RPH3A: variants seen among roughly 807,000 people sequenced by gnomAD.
The protein encoded by RPH3A is rabphilin 3A.
Under a neutral mutation model 102.2 loss-of-function variants are expected in RPH3A, and 48 were observed. That is an observed-to-expected ratio of 0.47 (90% CI 0.37 to 0.60). RPH3A has a LOEUF of 0.60. Ranked by LOEUF, RPH3A falls within the 20% of genes least tolerant of loss-of-function variation. RPH3A has a pLI of 0.00. For synonymous variants in RPH3A, 310 were observed against 324.3 expected, an observed-to-expected ratio of 0.96 and a Z score of 0.47; for missense variants, 781 against 910.1, an observed-to-expected ratio of 0.86 and a Z score of 1.83.
chr12:112,761,204 A>G (rs1318883424), intron 1 of RPH3A, among the ~76,000 whole-genome samples: 3 of 152,190 alleles, frequency 2.0e-5, no homozygotes, highest in Admixed American at 6.5e-5. Flanking sequence ...AGACAAAGGG[A>G]TTCCAGTTTG....
At chr12:112,862,043 CT>C (rs2042526522) in intron 5 of RPH3A, among the ~76,000 whole-genome samples, 1 of 150,398 alleles carries the variant, frequency 6.6e-6, no homozygotes, top group Non-Finnish European at 1.5e-5. Context: ...AAGGATATCC[CT>C]GTGGAGGGCT....
At chr12:112,769,231 C>T (rs1446373731) in intron 1 of RPH3A, among the ~76,000 whole-genome samples, 2 of 152,182 alleles carry the variant, frequency 1.3e-5, no homozygotes, top group Admixed American at 6.5e-5. Flanking sequence ...CAGATTTTAA[C>T]TTGACGCCTC....
intron 1 of RPH3A, among the ~76,000 whole-genome samples, chr12:112,580,515 TGCCTCA>T (rs756577078): frequency 5.4e-5 from 8 of 148,632 alleles, no homozygotes; most frequent in South Asian, 2.2e-4. Context: ...GCCATTCTCC[TGCCTCA>T]GCCTCCCGAG....
intron 1 of RPH3A, among the ~76,000 whole-genome samples, chr12:112,641,084 G>A (rs960754839): frequency 6.6e-6 from 1 of 152,142 alleles, no homozygotes; most frequent in African/African-American, 2.4e-5. Context: ...AGAATTATGT[G>A]GCCATAAATC....
At chr12:112,680,578 C>T (rs931090700) in intron 1 of RPH3A, among the ~76,000 whole-genome samples, 3 of 152,164 alleles carry the variant, frequency 2.0e-5, no homozygotes, top group African/African-American at 7.2e-5. Context: ...AGTCTGGCCC[C>T]AGCATCTCTG....
chr12:112,717,446 ATTAC>A (rs1440200818), intron 1 of RPH3A, among the ~76,000 whole-genome samples: 5 of 152,134 alleles, frequency 3.3e-5, no homozygotes, highest in African/African-American at 1.2e-4. Flanking sequence ...GGTTTTTGCC[ATTAC>A]TTTTAATTAT....
chr12:112,666,592 C>T (rs1447233621), intron 1 of RPH3A, among the ~76,000 whole-genome samples: 1 of 152,082 alleles, frequency 6.6e-6, no homozygotes, highest in African/African-American at 2.4e-5. Flanking sequence ...CTTTTTTTGT[C>T]AGCTGCAAGT....
intron 1 of RPH3A, among the ~76,000 whole-genome samples, chr12:112,776,336 C>T (rs1159439170): frequency 5.3e-5 from 8 of 152,186 alleles, no homozygotes; most frequent in East Asian, 1.9e-4. Context: ...ACAATAAACA[C>T]GCTCTTATTG....
chr12:112,890,831 C>A lies in RPH3A; in HGVS notation c.1621-18C>A, dbSNP rs1268351833. 3.1e-6 allele frequency: 5 copies of A among 1,611,634 alleles called. No homozygotes were observed. The Admixed American group carries it at 8.4e-5, about 27-fold the overall frequency. On this transcript the variant is annotated intron_variant, in intron 18 of 21. Coordinates refer to ENST00000389385, the MANE Select transcript of RPH3A (RefSeq NM_001143854.2). ...CCCCTCCCCTCCAAGGCCCACACTG[C>A]CTTTTCCCCCAATGCAGCAGGTGGA...
chr12:112,765,064 G>GC (rs2040878754), intron 1 of RPH3A, among the ~76,000 whole-genome samples: 1 of 152,176 alleles, frequency 6.6e-6, no homozygotes, highest in Non-Finnish European at 1.5e-5. Context: ...CTGCTGGTGT[G>GC]AGAGAGGAAT....
chr12:112,633,066 T>TCTGTAGTCCCAGCTA (rs371971824), intron 1 of RPH3A, among the ~76,000 whole-genome samples: 9 of 151,444 alleles, frequency 5.9e-5, no homozygotes, highest in African/African-American at 2.2e-4. Flanking sequence ...GTGGCACATG[T>TCTGTAGTCCCAGCTA]CTGTAGTCCC....
intron 1 of RPH3A, among the ~76,000 whole-genome samples, chr12:112,667,650 C>T (rs1161860573): frequency 7.9e-6 from 1 of 125,914 alleles, no homozygotes; most frequent in African/African-American, 3.0e-5. Context: ...CATTCATGGG[C>T]AGAGATGAAT....
intron 1 of RPH3A, among the ~76,000 whole-genome samples, chr12:112,581,743 C>T (rs1566215938): frequency 6.8e-6 from 1 of 147,976 alleles, no homozygotes; most frequent in Non-Finnish European, 1.5e-5. Flanking sequence ...TTTTCCTTCC[C>T]TCTATACCAT....
intron 1 of RPH3A, among the ~76,000 whole-genome samples, chr12:112,747,204 A>G (rs2040754397): frequency 6.6e-6 from 1 of 152,180 alleles, no homozygotes; most frequent in Non-Finnish European, 1.5e-5. Context: ...CTTCAAGGTT[A>G]TGGTGTTAGG....
At chr12:112,803,027 T>G (rs1024284776) in intron 2 of RPH3A, among the ~76,000 whole-genome samples, 3 of 152,166 alleles carry the variant, frequency 2.0e-5, no homozygotes, top group Non-Finnish European at 4.4e-5. Flanking sequence ...GTCCAAAGCC[T>G]GGGATTGAGA....
rs530905741 is a variant in RPH3A at position 112,802,338 on chromosome 12, C to T, written c.-19+10075C>T. 3.9e-5 allele frequency among the ~76,000 whole-genome samples: 6 copies of T among 152,314 alleles called. No homozygotes were observed. In the East Asian group the frequency reaches 9.7e-4, roughly 25 times the overall value. On this transcript the variant is annotated intron_variant, in intron 2 of 21. Transcript: ENST00000389385. The stretch of plus-strand genomic sequence containing the variant: ...GCCTGTGTGACCTTTGCCAAAGTGA[C>T]TTAGTCTCTCTGAGCCTCAGTTTCT...
At chr12:112,855,485 G>A (rs1283857708) in intron 5 of RPH3A, among the ~76,000 whole-genome samples, 1 of 152,184 alleles carries the variant, frequency 6.6e-6, no homozygotes, top group Non-Finnish European at 1.5e-5. Flanking sequence ...GAACCAAGGT[G>A]ACCTCCTTCC....
At chr12:112,655,318 C>T (rs183409286) in intron 1 of RPH3A, among the ~76,000 whole-genome samples, 4 of 152,286 alleles carry the variant, frequency 2.6e-5, no homozygotes, top group South Asian at 2.1e-4. Flanking sequence ...CACTTGCAGA[C>T]GCACCACTCA....
chr12:112,888,142 GTTC>G (rs2043035447), intron 17 of RPH3A, among the ~76,000 whole-genome samples: 1 of 152,240 alleles, frequency 6.6e-6, no homozygotes, highest in African/African-American at 2.4e-5. Context: ...TCGAACATGA[GTTC>G]TTCTTGGCCA....
Sources: allele counts gnomAD v4.1 joint callset (sites outside exome capture counted in the v4.1 genomes callset), GRCh38; gene constraint gnomAD v4.1.1; transcripts MANE v1.5; gene names NCBI Gene and HGNC (gene_info 2026-07-23, HGNC 2026-07-21).